Variants in RBM6 observed in about 807,000 individuals in gnomAD.
RBM6 encodes RNA binding motif protein 6, also known as RNA-binding protein 6.
A neutral mutation model predicts 140.4 loss-of-function variants in RBM6; 23 were observed. The observed-to-expected ratio is 0.16, with a 90% CI of 0.12 to 0.23. The LOEUF is 0.23. RBM6 is among the 10% of genes least tolerant of loss of function. The pLI, the probability that RBM6 is intolerant of heterozygous loss-of-function variation, is 1.00. For missense variants in RBM6, 1,139 were observed against 1,386.7 expected, an observed-to-expected ratio of 0.82 and a Z score of 2.84; for synonymous variants, 439 against 475.6, an observed-to-expected ratio of 0.92 and a Z score of 1.00.
chr3:50,034,243 C>G (rs149291482), intron 6 of RBM6, among the ~76,000 whole-genome samples: 1 of 152,034 alleles, frequency 6.6e-6, no homozygotes, highest in Non-Finnish European at 1.5e-5. Context: ...CTCGGCATCC[C>G]GAAGTGCTGG....
chr3:49,966,690 T>G (rs2084531267), intron 2 of RBM6, among the ~76,000 whole-genome samples: 1 of 152,228 alleles, frequency 6.6e-6, no homozygotes, highest in Non-Finnish European at 1.5e-5. Context: ...TAGGTCTATC[T>G]CAGCATTGAG....
At chr3:50,039,300 C>T (rs1335751299) in intron 6 of RBM6, among the ~76,000 whole-genome samples, 4 of 152,060 alleles carry the variant, frequency 2.6e-5, no homozygotes, top group African/African-American at 7.2e-5. Flanking sequence ...AGTGCAATCA[C>T]ACAATCTCGG....
chr3:49,948,113 A>G (rs2083572175), intron 1 of RBM6, among the ~76,000 whole-genome samples: 1 of 152,006 alleles, frequency 6.6e-6, no homozygotes, highest in Admixed American at 6.6e-5. Flanking sequence ...AAAAAAAGAA[A>G]ATTGACCATA....
chr3:50,040,471 A>AAAT (rs2088834802), intron 6 of RBM6, among the ~76,000 whole-genome samples: 1 of 33,542 alleles, frequency 3.0e-5, no homozygotes, highest in Non-Finnish European at 6.3e-5. Context: ...AAAAAAAAAA[A>AAAT]ATATATATAT....
chr3:49,967,073 C>A lies in RBM6; in HGVS notation c.45-397C>A. On this transcript the variant is annotated intron_variant, in intron 2 of 20. Coordinates refer to ENST00000266022, the MANE Select transcript of RBM6 (RefSeq NM_005777.3). The surrounding 1 kb of genome is among the most constrained non-coding windows in gnomAD (Gnocchi z 4.0). ...AGAAATTTACAGTGCATTGATTTTT[C>A]TGATATATAGGAATCGTCATGTTGA... 4.0e-6 allele frequency: 1 copy of A among 249,954 alleles called. No homozygotes were observed. Among genetic ancestry groups the A allele is most frequent in the Non-Finnish European group, 6.6e-6 (1 of 151,544 alleles). 15.5% of individuals were successfully genotyped at this position (249,954 alleles called of 1,614,324 possible).
Position 50,061,560 on chromosome 3 carries a change from CTTTTTTTTTTTTTTT to C in RBM6, c.2439+23_2439+37del. 7.9e-7 allele frequency: 1 copy of C among 1,268,040 alleles called. No individual in the cohort carries two copies. The highest frequency in any genetic ancestry group is 9.8e-7 in the Non-Finnish European group (1 of 1,020,730). 78.5% of individuals were successfully genotyped at this position (1,268,040 alleles called of 1,614,324 possible). The stretch of plus-strand genomic sequence containing the variant: ...CCCCAATACCCAGGTGAGTTTGGGG[CTTTTTTTTTTTTTTT>C]TTTTTTTTTACCTCTGTCAATGATT... On this transcript the variant is annotated intron_variant, in intron 14 of 20. Coordinates refer to ENST00000266022, the MANE Select transcript of RBM6 (RefSeq NM_005777.3).
At chr3:50,023,059 C>T (rs2087593117) in intron 6 of RBM6, among the ~76,000 whole-genome samples, 1 of 152,068 alleles carries the variant, frequency 6.6e-6, no homozygotes, top group Non-Finnish European at 1.5e-5. Context: ...TAAGCATGCC[C>T]CACTACATTC....
chr3:49,992,182 G>A (rs2085858902), intron 5 of RBM6, among the ~76,000 whole-genome samples: 1 of 152,004 alleles, frequency 6.6e-6, no homozygotes. Context: ...AGACTCCTGG[G>A]GTTAAGCGAT....
chr3:50,070,937 A>G (rs1051506167), intron 19 of RBM6, among the ~76,000 whole-genome samples: 7 of 152,220 alleles, frequency 4.6e-5, no homozygotes, highest in African/African-American at 1.7e-4. Context: ...ATGGAGATGT[A>G]TGATATCTAG....
At position 50,046,460 on chromosome 3, in the gene RBM6, T is replaced by C. The variant is rs146386202; in HGVS notation, c.1558-1785T>C. ...CAAGCGTGGTGGCATATATCTATAA[T>C]CCCAGCTACTCGGGAGGCTGAGGCA... On this transcript the variant is annotated intron_variant, in intron 6 of 20. Transcript: ENST00000266022. Among the ~76,000 whole-genome samples, 792 of 150,294 alleles carry C rather than the reference T, an allele frequency of 5.3e-3. 10 individuals are homozygous for C. Among genetic ancestry groups the C allele is most frequent in the African/African-American group, 0.019 (759 of 40,714 alleles).
intron 1 of RBM6, among the ~76,000 whole-genome samples, chr3:49,961,221 G>A (rs1360819014): frequency 6.6e-6 from 1 of 152,070 alleles, no homozygotes; most frequent in Non-Finnish European, 1.5e-5. Flanking sequence ...GGGATTACAG[G>A]TGCCTGCCAC....
chr3:50,013,154 A>G (rs2086946077), intron 6 of RBM6, among the ~76,000 whole-genome samples: 1 of 152,042 alleles, frequency 6.6e-6, no homozygotes, highest in Admixed American at 6.6e-5. Context: ...TCTTCCTTTG[A>G]GGTTGGATGG....
intron 8 of RBM6, 141 bp from the exon 9 acceptor site, chr3:50,057,587 C>CAAAA (rs4030422): frequency 7.5e-3 from 1,618 of 216,388 alleles, no homozygotes; most frequent in East Asian, 0.017. Context: ...AACTCCGTCT[C>CAAAA]AAAAAAAAAA....
rs139863190 is a variant in RBM6 at position 49,997,407 on chromosome 3, C to T, written c.1484-2033C>T. On this transcript the variant is annotated intron_variant, in intron 5 of 20. Coordinates refer to ENST00000266022, the MANE Select transcript of RBM6 (RefSeq NM_005777.3). Reference sequence around the variant, plus strand: ...TACTTGTCCTTTAGCAAAGTATGAACGTTGTCATGAATCTTTTCTCTCTGT... The same window carrying T: ...TACTTGTCCTTTAGCAAAGTATGAATGTTGTCATGAATCTTTTCTCTCTGT... Among the ~76,000 whole-genome samples, 1,107 of 152,278 alleles carry T rather than the reference C, an allele frequency of 7.3e-3. 16 individuals are homozygous for T. The highest frequency in any genetic ancestry group is 0.025 in the African/African-American group (1,054 of 41,564).
chr3:49,970,717 G>A (rs891549489), intron 3 of RBM6, among the ~76,000 whole-genome samples: 1 of 152,270 alleles, frequency 6.6e-6, no homozygotes, highest in Non-Finnish European at 1.5e-5. Flanking sequence ...AGATTTGGCT[G>A]GGTACAGTGG....
chr3:50,059,067 C>G (rs1575839606), intron 10 of RBM6, among the ~76,000 whole-genome samples: 1 of 152,074 alleles, frequency 6.6e-6, no homozygotes, highest in East Asian at 1.9e-4. Flanking sequence ...GTCTGGTTTT[C>G]TAGGTTCATT....
chr3:49,974,843 C>T (rs1252527485), intron 4 of RBM6, among the ~76,000 whole-genome samples: 2 of 151,556 alleles, frequency 1.3e-5, no homozygotes, highest in African/African-American at 4.9e-5. Flanking sequence ...TGTGCCACCA[C>T]ACCAGGCTAA....
intron 6 of RBM6, among the ~76,000 whole-genome samples, chr3:50,003,439 T>C (rs990242983): frequency 6.6e-6 from 1 of 152,076 alleles, no homozygotes; most frequent in African/African-American, 2.4e-5. Context: ...AGTGTGTGTG[T>C]GCCTCTGAGA....
At chr3:49,972,003 T>A (rs1373499922) in intron 3 of RBM6, 56 bp from the exon 4 acceptor site, 3 of 1,287,056 alleles carry the variant, frequency 2.3e-6, no homozygotes, top group Non-Finnish European at 3.3e-6. Flanking sequence ...TCATGTTGAT[T>A]TGTGTTTTGT....
Sources: gnomAD v4.1 joint callset for allele counts (sites outside exome capture counted in the v4.1 genomes callset) on GRCh38, gnomAD v4.1.1 for gene constraint, Gnocchi (gnomAD v3.1) non-coding constraint, MANE v1.5 for transcripts, NCBI Gene and HGNC (gene_info 2026-07-23, HGNC 2026-07-21) for gene names.